The following CSMD1 variants were observed in gnomAD, a reference collection of about 807,000 sequenced individuals.
CSMD1 encodes CUB and Sushi multiple domains 1, also known as CUB and sushi domain-containing protein 1.
CSMD1 carries 213 observed loss-of-function variants against 417.5 expected under a neutral mutation model. The ratio of observed to expected loss-of-function variants is 0.51; its 90% confidence interval spans 0.46 to 0.57. The LOEUF is 0.57. Among genes scored for constraint, CSMD1 ranks in the 20% least tolerant of loss-of-function variants. The pLI is 0.00. For synonymous variants in CSMD1, 2,862 were observed against 1,736.8 expected, an observed-to-expected ratio of 1.65 and a Z score of -16.11; for missense variants, 6,923 against 4,529.7, an observed-to-expected ratio of 1.53 and a Z score of -15.17.
intron 17 of CSMD1, among the ~76,000 whole-genome samples, chr8:3,392,362 T>A (rs1811403110): frequency 6.6e-6 from 1 of 151,966 alleles, no homozygotes. Context: ...GATGAGTGAG[T>A]GTAATCATTT....
chr8:3,820,505 C>T (rs1011725806), intron 5 of CSMD1, among the ~76,000 whole-genome samples: 2 of 152,174 alleles, frequency 1.3e-5, no homozygotes, highest in East Asian at 1.9e-4. Context: ...CAACAGCACA[C>T]GTGAAGCTGA....
intron 10 of CSMD1, among the ~76,000 whole-genome samples, chr8:3,546,211 G>C (rs778790648): frequency 2.0e-5 from 3 of 152,144 alleles, no homozygotes; most frequent in Admixed American, 6.6e-5. Context: ...GAGAAATTGT[G>C]TAAGGTTCTA....
chr8:4,963,420 G>A (rs867306545), intron 1 of CSMD1, among the ~76,000 whole-genome samples: 5 of 151,924 alleles, frequency 3.3e-5, no homozygotes, highest in South Asian at 4.2e-4. Context: ...GCTTGGTCTC[G>A]AACTCCTGAC....
At chr8:3,689,367 T>A (rs929330538) in intron 7 of CSMD1, among the ~76,000 whole-genome samples, 4 of 152,300 alleles carry the variant, frequency 2.6e-5, no homozygotes, top group African/African-American at 9.6e-5. Context: ...CCCTTGCTGA[T>A]GCCATCAGAA....
intron 1 of CSMD1, among the ~76,000 whole-genome samples, chr8:4,746,674 G>C (rs981144131): frequency 6.6e-6 from 1 of 152,110 alleles, no homozygotes; most frequent in Non-Finnish European, 1.5e-5. Flanking sequence ...GTTCATTTAT[G>C]CATCTGCTGC....
intron 3 of CSMD1, among the ~76,000 whole-genome samples, chr8:4,135,245 A>T (rs761196248): frequency 6.6e-6 from 1 of 152,002 alleles, no homozygotes; most frequent in Non-Finnish European, 1.5e-5. Flanking sequence ...GAATATATTT[A>T]TTCATGTCTA....
intron 10 of CSMD1, among the ~76,000 whole-genome samples, chr8:3,520,444 A>G (rs1319614236): frequency 2.0e-5 from 3 of 152,246 alleles, no homozygotes; most frequent in African/African-American, 7.2e-5. Flanking sequence ...AAAATAAAAC[A>G]ATCTTAAAAT....
chr8:4,877,304 C>T (rs369951345), intron 1 of CSMD1, among the ~76,000 whole-genome samples: 1 of 151,908 alleles, frequency 6.6e-6, no homozygotes, highest in Non-Finnish European at 1.5e-5. Context: ...ATAAGATTGG[C>T]TGCATTTAAA....
intron 1 of CSMD1, among the ~76,000 whole-genome samples, chr8:4,839,203 G>A (rs1418310726): frequency 1.3e-5 from 2 of 152,126 alleles, no homozygotes. Flanking sequence ...TCTGTCATGA[G>A]TCACTCTGAA....
chr8:4,575,434 C>G (rs1205544963), intron 2 of CSMD1, among the ~76,000 whole-genome samples: 1 of 151,806 alleles, frequency 6.6e-6, no homozygotes, highest in African/African-American at 2.4e-5. Context: ...TACATATTGT[C>G]TGTGTAACAT....
At chr8:3,690,150 G>C (rs113467971) in intron 7 of CSMD1, among the ~76,000 whole-genome samples, 1 of 152,180 alleles carries the variant, frequency 6.6e-6, no homozygotes, top group Non-Finnish European at 1.5e-5. Context: ...CTTAAGCCCA[G>C]GAGTTTGAGA....
chr8:3,586,290 C>T, intron 8 of CSMD1, 30 bp from the exon 9 acceptor site: 3 of 1,533,522 alleles, frequency 2.0e-6, no homozygotes, highest in Middle Eastern at 1.7e-4. Context: ...AAAAAAAAAC[C>T]CAAATTATTT....
intron 1 of CSMD1, among the ~76,000 whole-genome samples, chr8:4,659,134 A>C (rs1354878544): frequency 6.6e-6 from 1 of 152,186 alleles, no homozygotes; most frequent in African/African-American, 2.4e-5. Flanking sequence ...TGGGTCAAAG[A>C]AGAAATTCCA....
Position 3,457,527 on chromosome 8 carries a change from C to G in CSMD1, c.1561+11185G>C, listed in dbSNP as rs145285003. Among the ~76,000 whole-genome samples, 5 of 152,302 alleles carry G rather than the reference C, an allele frequency of 3.3e-5. No homozygotes were observed. In the East Asian group the frequency reaches 7.7e-4, roughly 24 times the overall value. ...TGAGTCATCAAAACCGCATGCCACG[C>G]CTGGCCGTTCCTGGCTTAGAGGCAA... On this transcript the variant is annotated intron_variant, in intron 12 of 69. Coordinates refer to ENST00000635120, the MANE Select transcript of CSMD1 (RefSeq NM_033225.6).
chr8:3,659,207 G>C (rs1214648565), intron 7 of CSMD1, among the ~76,000 whole-genome samples: 10 of 152,182 alleles, frequency 6.6e-5, no homozygotes, highest in African/African-American at 2.2e-4. Context: ...GGCAAGGCAA[G>C]GGAAGCCCAG....
chr8:4,926,523 G>C (rs1246669384), intron 1 of CSMD1, among the ~76,000 whole-genome samples: 1 of 152,072 alleles, frequency 6.6e-6, no homozygotes, highest in Non-Finnish European at 1.5e-5. Context: ...TATCTTATTT[G>C]TTTTTAATTA....
At chr8:4,933,811 C>A (rs762905748) in intron 1 of CSMD1, among the ~76,000 whole-genome samples, 1 of 152,180 alleles carries the variant, frequency 6.6e-6, no homozygotes, top group African/African-American at 2.4e-5. Flanking sequence ...TAGATGTGAG[C>A]CCGATACATT....
At chr8:3,069,459 G>C (rs1813179028) in intron 49 of CSMD1, among the ~76,000 whole-genome samples, 1 of 151,520 alleles carries the variant, frequency 6.6e-6, no homozygotes, top group African/African-American at 2.4e-5. Context: ...AAAAGAAAAA[G>C]AAAGGGATTA....
At chr8:3,814,006 G>T (rs1268225655) in intron 5 of CSMD1, among the ~76,000 whole-genome samples, 1 of 152,160 alleles carries the variant, frequency 6.6e-6, no homozygotes, top group African/African-American at 2.4e-5. Flanking sequence ...CCGTTCAACA[G>T]ATTAATGCAA....
Sources: allele counts gnomAD v4.1 joint callset (sites outside exome capture counted in the v4.1 genomes callset), GRCh38; gene constraint gnomAD v4.1.1; transcripts MANE v1.5; gene names NCBI Gene and HGNC (gene_info 2026-07-23, HGNC 2026-07-21).